The following TUSC3 variants were observed in gnomAD, a reference collection of about 807,000 sequenced individuals.
TUSC3 encodes the protein tumor suppressor candidate 3.
In TUSC3, 45 loss-of-function variants were observed where a neutral mutation model predicts 44.8. The ratio of observed to expected loss-of-function variants is 1.00; its 90% CI spans 0.79 to 1.29. The LOEUF (loss-of-function observed/expected upper bound fraction) is 1.29, where lower values mean the gene tolerates loss of function less well. Ranked by LOEUF, TUSC3 falls within the 50% of genes most tolerant of loss-of-function variation. The pLI is 0.00. For missense variants in TUSC3, 519 were observed against 437.9 expected (o/e 1.19, Z -1.65); for synonymous variants, 212 against 152.9 (o/e 1.39, Z -2.85).
intron 6 of TUSC3, among the ~76,000 whole-genome samples, chr8:15,701,246 C>T (rs1809392158): frequency 6.6e-6 from 1 of 152,078 alleles, no homozygotes; most frequent in African/African-American, 2.4e-5. Flanking sequence ...TCCTCAGGGC[C>T]TCTTGCATGT....
At chr8:15,807,368 A>G in the TUSC3 span, 1 of 349,888 alleles carries the variant, frequency 2.9e-6, no homozygotes, top group East Asian at 6.7e-5. Context: ...AACAACAACA[A>G]AACAAGGCTG....
intron 1 of TUSC3, among the ~76,000 whole-genome samples, chr8:15,446,766 C>T (rs1318290933): frequency 1.6e-5 from 2 of 125,936 alleles, no homozygotes; most frequent in Non-Finnish European, 1.8e-5. Context: ...GGAGGGAGAG[C>T]TATTTTTTTT....
intron 1 of TUSC3, among the ~76,000 whole-genome samples, chr8:15,542,377 C>A (rs986246656): frequency 3.3e-5 from 5 of 151,906 alleles, no homozygotes; most frequent in Non-Finnish European, 7.4e-5. Context: ...GATGTTAATG[C>A]TGGTTGGCTT....
chr8:15,571,444 A>T (rs1585112985), intron 1 of TUSC3, among the ~76,000 whole-genome samples: 1 of 152,178 alleles, frequency 6.6e-6, no homozygotes, highest in East Asian at 1.9e-4. Flanking sequence ...AATGTGCAAT[A>T]GCACTCTGTC....
intron 6 of TUSC3, among the ~76,000 whole-genome samples, chr8:15,695,715 T>C (rs1409490780): frequency 2.0e-5 from 3 of 152,148 alleles, no homozygotes; most frequent in Admixed American, 2.0e-4. Context: ...ATATGAACAA[T>C]GAAATCCAGA....
intron 1 of TUSC3, among the ~76,000 whole-genome samples, chr8:15,430,015 C>T (rs1448798196): frequency 6.6e-6 from 1 of 151,564 alleles, no homozygotes; most frequent in East Asian, 1.9e-4. Context: ...AATCCAGGAC[C>T]AGATGGATTC....
At chr8:15,644,430 G>T (rs1233327771) in intron 2 of TUSC3, among the ~76,000 whole-genome samples, 1 of 152,180 alleles carries the variant, frequency 6.6e-6, no homozygotes, top group Non-Finnish European at 1.5e-5. Flanking sequence ...TTTTAGTTAA[G>T]TGCTTGGAGT....
At chr8:15,759,320 C>T (rs980621040) in intron 10 of TUSC3, among the ~76,000 whole-genome samples, 2 of 151,994 alleles carry the variant, frequency 1.3e-5, no homozygotes, top group Non-Finnish European at 2.9e-5. Flanking sequence ...GACTTCCTCT[C>T]CAGTTTAAGA....
intron 3 of TUSC3, among the ~76,000 whole-genome samples, chr8:15,657,469 G>T (rs574740194): frequency 6.6e-6 from 1 of 152,236 alleles, no homozygotes; most frequent in East Asian, 1.9e-4. Context: ...AAGAAGGATG[G>T]TCTTTTTTTC....
intron 2 of TUSC3, among the ~76,000 whole-genome samples, chr8:15,504,424 T>C (rs1478884929): frequency 1.3e-5 from 2 of 151,630 alleles, no homozygotes; most frequent in African/African-American, 4.8e-5. Context: ...CAAGGGAAAG[T>C]TGTTGTTAGT....
intron 1 of TUSC3, among the ~76,000 whole-genome samples, chr8:15,465,182 A>G (rs372331744): frequency 4.6e-5 from 7 of 152,316 alleles, no homozygotes; most frequent in African/African-American, 1.7e-4. Flanking sequence ...TTTAGAGAGA[A>G]TTTAAGAAAT....
intron 2 of TUSC3, among the ~76,000 whole-genome samples, chr8:15,518,940 AT>A (rs1363098816): frequency 2.0e-5 from 3 of 152,188 alleles, no homozygotes; most frequent in African/African-American, 7.2e-5. Context: ...AACTTTGCCC[AT>A]GATTCTACAA....
the TUSC3 span, among the ~76,000 whole-genome samples, chr8:15,843,428 A>C: frequency 6.6e-6 from 1 of 152,038 alleles, no homozygotes; most frequent in Non-Finnish European, 1.5e-5. Flanking sequence ...CGATTTTTAA[A>C]AACTCCAAGT....
the TUSC3 span, chr8:15,807,003 C>G: frequency 6.9e-6 from 10 of 1,450,676 alleles, no homozygotes; most frequent in Admixed American, 5.1e-5. Flanking sequence ...TTACATTTTC[C>G]AAAGAAGGTG....
intron 2 of TUSC3, among the ~76,000 whole-genome samples, chr8:15,508,782 A>C (rs1356158322): frequency 6.6e-6 from 1 of 152,126 alleles, no homozygotes; most frequent in Non-Finnish European, 1.5e-5. Context: ...TTTTAAGTGG[A>C]ATAGGAAAAA....
chr8:15,694,417 C>T (rs1286374676), intron 6 of TUSC3, among the ~76,000 whole-genome samples: 1 of 100,890 alleles, frequency 9.9e-6, no homozygotes, highest in Non-Finnish European at 1.8e-5. Flanking sequence ...GCGTGAGCAA[C>T]AAGACGGAAA....
intron 6 of TUSC3, among the ~76,000 whole-genome samples, chr8:15,675,240 T>A (rs1808132544): frequency 6.6e-6 from 1 of 151,728 alleles, no homozygotes; most frequent in African/African-American, 2.4e-5. Context: ...CACTTAACGT[T>A]GTAAATTTAG....
chr8:15,621,273 A>T (rs1236747070), intron 1 of TUSC3, among the ~76,000 whole-genome samples: 2 of 151,688 alleles, frequency 1.3e-5, no homozygotes, highest in Non-Finnish European at 2.9e-5. Flanking sequence ...TGGAGACTTT[A>T]AAACTTATTA....
At chr8:15,709,983 T>C (rs1022952428) in intron 6 of TUSC3, among the ~76,000 whole-genome samples, 24 of 151,820 alleles carry the variant, frequency 1.6e-4, no homozygotes, top group Non-Finnish European at 5.9e-5. Flanking sequence ...CTTAACAAAA[T>C]TCATTATTTC....
Sources: allele counts gnomAD v4.1 joint callset (sites outside exome capture counted in the v4.1 genomes callset), GRCh38; gene constraint gnomAD v4.1.1; transcripts MANE v1.5; gene names NCBI Gene and HGNC (gene_info 2026-07-23, HGNC 2026-07-21).